UNC13A: variants seen among roughly 807,000 people sequenced by gnomAD.
UNC13A encodes unc-13 homolog A, also known as protein unc-13 homolog A.
UNC13A carries 61 observed loss-of-function variants against 219.7 expected under a neutral mutation model. The ratio of observed to expected loss-of-function variants is 0.28; its 90% CI spans 0.23 to 0.34. The LOEUF is 0.34. Ranked by LOEUF, UNC13A falls within the 10% of genes least tolerant of loss-of-function variation. UNC13A has a pLI of 1.00. For synonymous variants in UNC13A, 920 were observed against 884.6 expected (o/e 1.04, Z -0.71); for missense variants, 1,476 against 2,270.3 (o/e 0.65, Z 7.11).
Position 17,688,196 on chromosome 19 carries a change from A to G in UNC13A, c.4T>C (p.Ser2Pro), listed in dbSNP as rs755331642. The G allele has an allele frequency of 1.3e-6, 2 of 1,512,530 alleles. No individual in the cohort carries two copies. Among genetic ancestry groups the G allele is most frequent in the African/African-American group, 2.9e-5 (2 of 69,248 alleles). The allele number at this position is 1,512,530 out of a possible 1,614,324, so 93.7% of individuals were successfully genotyped here. A position where few individuals can be genotyped will look rare whatever the true frequency, so the allele number is the denominator to read the frequency against. ...CTCCTACCTCCAACGCAAAGCAGAG[A>G]CATGTCTCCGAGCTCGCAGGTGGGC... MSLLCVGVKKAK... is the reference protein window; with the variant it reads MPLLCVGVKKAK... Residue 2 changes from serine (S) to proline (P), a missense_variant, in exon 1 of 44, where the codon TCT (serine) becomes CCT (proline). By Grantham distance (74) the Ser-to-Pro change is moderately conservative. Coordinates refer to ENST00000519716, the MANE Select transcript of UNC13A (RefSeq NM_001080421.3).
At chr19:17,662,585 T>C (rs67606637) in intron 8 of UNC13A, among the ~76,000 whole-genome samples, 10,525 of 152,092 alleles carry the variant, frequency 0.069, 594 homozygotes, top group African/African-American at 0.15. Flanking sequence ...ACTGGTCCCT[T>C]GTGTCAAAAA....
chr19:17,672,817 G>T (rs1252500643), intron 3 of UNC13A, among the ~76,000 whole-genome samples: 2 of 152,058 alleles, frequency 1.3e-5, no homozygotes, highest in South Asian at 2.1e-4. Context: ...GACCATGCTG[G>T]GTAAGTGAGG....
chr19:17,633,888 C>CCCAT lies in UNC13A; in HGVS notation c.3216-699_3216-696dup, dbSNP rs779313741. Among the ~76,000 whole-genome samples, 18 of 144,894 alleles carry CCCAT rather than the reference C, an allele frequency of 1.2e-4. 1 individual carries two copies. In the East Asian group the frequency reaches 1.7e-3, roughly 14 times the overall value. ...ACCCATCTATCTATTCATCTATCCA[C>CCCAT]CCATCCATCCATCCATCCCTCTTTC... On this transcript the variant is annotated intron_variant, in intron 26 of 43. Coordinates refer to ENST00000519716, the MANE Select transcript of UNC13A (RefSeq NM_001080421.3).
chr19:17,618,602 G>A, intron 39 of UNC13A, 101 bp from the exon 40 acceptor site: 2 of 1,218,420 alleles, frequency 1.6e-6, no homozygotes, highest in Non-Finnish European at 2.4e-6. Flanking sequence ...GAGCTGGGCT[G>A]AGGGTCTATG....
chr19:17,669,678 TG>T lies in UNC13A; in HGVS notation c.271-3del. On this transcript the variant is annotated splice_region_variant and splice_polypyrimidine_tract_variant and intron_variant, in intron 4 of 43. Coordinates refer to ENST00000519716, the MANE Select transcript of UNC13A (RefSeq NM_001080421.3). ...CGTCAGCCACTCTCCAGGGCCCTCC[TG>T]GGGGTTGGGGGAGGAGGTGTGTGGG... The T allele has an allele frequency of 6.2e-7, 1 of 1,605,456 alleles. No individual in the cohort carries two copies. The highest frequency in any genetic ancestry group is 8.5e-7 in the Non-Finnish European group (1 of 1,176,188).
At chr19:17,651,734 C>T (rs960725801) in intron 12 of UNC13A, among the ~76,000 whole-genome samples, 9 of 152,226 alleles carry the variant, frequency 5.9e-5, no homozygotes, top group Middle Eastern at 6.8e-3. Flanking sequence ...CACAGGAATC[C>T]GCATTTCAGG....
rs758916422 is a variant in UNC13A, at chr19:17,630,682, C to G, written c.3497G>C (p.Gly1166Ala). 1.2e-6 allele frequency: 2 copies of G among 1,613,928 alleles called. No individual in the cohort carries two copies. Among genetic ancestry groups the G allele is most frequent in the South Asian group, 1.1e-5 (1 of 91,078 alleles). Residue 1166 changes from glycine (G) to alanine (A), a missense_variant, in exon 29 of 44, where the codon GGT (glycine) becomes GCT (alanine). By Grantham distance (60) the Gly-to-Ala change is moderately conservative. Transcript: ENST00000519716. Reference sequence around the variant, plus strand: ...ATCCTTCTTGTCTCGCTCCAGGGCACCGTGCAGGAAATCCCGGGACACCTC... The same window carrying G: ...ATCCTTCTTGTCTCGCTCCAGGGCAGCGTGCAGGAAATCCCGGGACACCTC... ...NEEVSRDFLH[G>A]ALERDKKDGF...
chr19:17,662,150 C>T lies in UNC13A; in HGVS notation c.559+1382G>A, dbSNP rs146015119. 3.7e-3 allele frequency among the ~76,000 whole-genome samples: 568 copies of T among 151,510 alleles called. 3 individuals carry two copies. Among genetic ancestry groups the T allele is most frequent in the African/African-American group, 0.013 (532 of 41,246 alleles). Reference sequence around the variant, plus strand: ...CCCAGCTACTTGGGAGGCTCAGGTACGAGAATCACTTGAACTCGGAGGCAG... The same window carrying T: ...CCCAGCTACTTGGGAGGCTCAGGTATGAGAATCACTTGAACTCGGAGGCAG... On this transcript the variant is annotated intron_variant, in intron 8 of 43. Transcript: ENST00000519716.
chr19:17,677,410 C>G (rs2079921059), intron 1 of UNC13A, among the ~76,000 whole-genome samples: 1 of 149,476 alleles, frequency 6.7e-6, no homozygotes, highest in African/African-American at 2.5e-5. Flanking sequence ...ATTGCCCAGG[C>G]TGGAGTGCAG....
At chr19:17,664,257 G>T (rs2079603301) in intron 7 of UNC13A, among the ~76,000 whole-genome samples, 5 of 152,104 alleles carry the variant, frequency 3.3e-5, no homozygotes, top group Admixed American at 3.3e-4. Context: ...CACTAAATTG[G>T]AAACCCTAAG....
At chr19:17,606,563 C>T in intron 43 of UNC13A, among the ~76,000 whole-genome samples, 1 of 152,146 alleles carries the variant, frequency 6.6e-6, no homozygotes, top group Non-Finnish European at 1.5e-5. Flanking sequence ...CCGAGCTGGG[C>T]CACGCCCACG....
intron 26 of UNC13A, 83 bp downstream of exon 26, chr19:17,635,941 A>C: frequency 6.7e-7 from 1 of 1,487,432 alleles, no homozygotes; most frequent in Non-Finnish European, 9.1e-7. Context: ...ATTAGACAAA[A>C]TCATCTTGAC....
At chr19:17,641,330 G>T in intron 21 of UNC13A, 63 bp downstream of exon 21, 1 of 1,581,984 alleles carries the variant, frequency 6.3e-7, no homozygotes, top group Non-Finnish European at 8.6e-7. Flanking sequence ...TCCCACCCCA[G>T]ACCTGCCAGT....
intron 25 of UNC13A, among the ~76,000 whole-genome samples, chr19:17,636,662 G>T (rs754447977): frequency 6.6e-6 from 1 of 152,008 alleles, no homozygotes; most frequent in African/African-American, 2.4e-5. Flanking sequence ...GAAATAAATC[G>T]ACTCGAACTC....
rs1340197638 is a variant in UNC13A at position 17,617,774 on chromosome 19, A to G, written c.4486T>C (p.Tyr1496His). 1.2e-6 allele frequency: 2 copies of G among 1,613,454 alleles called. No individual in the cohort carries two copies. The highest frequency in any genetic ancestry group is 1.7e-5 in the Admixed American group (1 of 59,990). ...EKSPDLQSLR[Y>H]ALSLYTQATD... is the part of the protein sequence containing the mutation. ...GCCTGCGTGTAGAGCGACAGGGCAT[A>G]GCGCAAGGATTGCAGGTCCGGGCTC... is the stretch of plus-strand genomic sequence containing the variant. The change falls in exon 41 of 44, where the codon TAT becomes CAT. Residue 1496 changes from tyrosine (Y) to histidine (H), a missense_variant. Tyr to His is a moderately conservative substitution (Grantham distance 83, BLOSUM62 2). Transcript: ENST00000519716.
At chr19:17,663,417 G>A (rs889563759) in intron 8 of UNC13A, 115 bp downstream of exon 8, 183 of 1,138,324 alleles carry the variant, frequency 1.6e-4, no homozygotes, top group Middle Eastern at 2.2e-4. Flanking sequence ...TGGCCCCCAC[G>A]TGCTCGTCAC....
At position 17,648,664 on chromosome 19, in the gene UNC13A, T is replaced by C; in HGVS notation, c.1597-14A>G. The stretch of plus-strand genomic sequence containing the variant: ...AACGTGGTTTTTCTGCAGGGAGGGA[T>C]GGGGTGCGGTTTGGGGGCGCCTAAC... On this transcript the variant is annotated splice_polypyrimidine_tract_variant and intron_variant, in intron 15 of 43. Coordinates refer to ENST00000519716, the MANE Select transcript of UNC13A (RefSeq NM_001080421.3). 1.9e-6 allele frequency: 3 copies of C among 1,595,790 alleles called. No individual in the cohort carries two copies. The highest frequency in any genetic ancestry group is 2.6e-6 in the Non-Finnish European group (3 of 1,167,994).
chr19:17,634,855 C>T (rs574043099), intron 26 of UNC13A, among the ~76,000 whole-genome samples: 22 of 152,022 alleles, frequency 1.4e-4, no homozygotes, highest in East Asian at 3.9e-4. Flanking sequence ...CCACCACGCC[C>T]GGTTAATTTT....
At chr19:17,680,116 G>A (rs539553432) in intron 1 of UNC13A, among the ~76,000 whole-genome samples, 1 of 151,750 alleles carries the variant, frequency 6.6e-6, no homozygotes, top group East Asian at 1.9e-4. Context: ...GGTGTTCGCG[G>A]TGAGGGAGGG....
Sources: gnomAD v4.1 joint callset for allele counts (sites outside exome capture counted in the v4.1 genomes callset) on GRCh38, gnomAD v4.1.1 for gene constraint, MANE v1.5 for transcripts, NCBI Gene and HGNC (gene_info 2026-07-23, HGNC 2026-07-21) for gene names.